The following SPAG16 variants were observed in gnomAD, a reference collection of about 807,000 sequenced individuals.
SPAG16 encodes sperm associated antigen 16, also known as sperm-associated antigen 16 protein.
SPAG16 carries 86 observed loss-of-function variants against 80.4 expected under a neutral mutation model. The observed-to-expected ratio is 1.07, with a 90% CI of 0.90 to 1.28. The LOEUF (loss-of-function observed/expected upper bound fraction) is 1.28. Among genes scored for constraint, SPAG16 ranks in the 50% most tolerant of loss-of-function variants. The pLI, the probability that SPAG16 is intolerant of heterozygous loss-of-function variation, is 0.00. For missense variants in SPAG16, 870 were observed against 765.3 expected, an observed-to-expected ratio of 1.14 and a Z score of -1.61; for synonymous variants, 294 against 265.9, an observed-to-expected ratio of 1.11 and a Z score of -1.03.
chr2:213,902,493 G>A (rs1011220772), intron 11 of SPAG16, among the ~76,000 whole-genome samples: 6 of 152,284 alleles, frequency 3.9e-5, no homozygotes, highest in Middle Eastern at 3.4e-3. Context: ...AAAACCATCA[G>A]ATCTCATGAG....
At chr2:213,588,266 CAG>C (rs1417417356) in intron 10 of SPAG16, among the ~76,000 whole-genome samples, 5 of 152,058 alleles carry the variant, frequency 3.3e-5, no homozygotes, top group Non-Finnish European at 7.4e-5. Context: ...TCTTTTCTAA[CAG>C]AGCATTTATA....
chr2:214,233,289 T>C (rs569934066), intron 15 of SPAG16, among the ~76,000 whole-genome samples: 2 of 151,936 alleles, frequency 1.3e-5, no homozygotes, highest in East Asian at 1.9e-4. Flanking sequence ...CAATAACACA[T>C]TAATCTCTGT....
chr2:213,558,835 C>T (rs547237982), intron 10 of SPAG16, among the ~76,000 whole-genome samples: 3 of 152,006 alleles, frequency 2.0e-5, no homozygotes, highest in South Asian at 2.1e-4. Context: ...AAAAATCATT[C>T]GTTTTATATT....
chr2:214,270,167 G>A (rs1391087463), intron 15 of SPAG16, among the ~76,000 whole-genome samples: 1 of 152,086 alleles, frequency 6.6e-6, no homozygotes, highest in Non-Finnish European at 1.5e-5. Context: ...TAATTTTCCA[G>A]TGCAGTCTAC....
intron 9 of SPAG16, among the ~76,000 whole-genome samples, chr2:213,489,644 A>G (rs2074155361): frequency 6.6e-6 from 1 of 152,100 alleles, no homozygotes. Flanking sequence ...AGCTTATTTA[A>G]AAAAAGACAA....
intron 10 of SPAG16, among the ~76,000 whole-genome samples, chr2:213,686,410 C>T (rs2064675436): frequency 6.6e-6 from 1 of 152,146 alleles, no homozygotes; most frequent in Admixed American, 6.5e-5. Context: ...GCCAAAGCGC[C>T]CGGCTGTTAC....
intron 9 of SPAG16, among the ~76,000 whole-genome samples, chr2:213,462,014 A>G (rs2072397344): frequency 6.6e-6 from 1 of 152,228 alleles, no homozygotes. Context: ...TTAGATTATC[A>G]GTCATAAATG....
chr2:213,719,118 T>C (rs1283852707), intron 10 of SPAG16, among the ~76,000 whole-genome samples: 1 of 151,162 alleles, frequency 6.6e-6, no homozygotes, highest in Non-Finnish European at 1.5e-5. Context: ...GCTCAGGGAT[T>C]GTAAATACAC....
rs185534862 is a variant in SPAG16, at chr2:214,154,916, C to T, written c.1720+5650C>T. ...CATATATGAAACAAGGGCTTTCAGA[C>T]ATGTAATATTTGGCAATAAAAAACT... On this transcript the variant is annotated intron_variant, in intron 15 of 15. Transcript: ENST00000331683. Among the ~76,000 whole-genome samples, 873 of 152,198 alleles carry T rather than the reference C, an allele frequency of 5.7e-3. 5 individuals carry two copies. Among genetic ancestry groups the T allele is most frequent in the Admixed American group, 7.8e-3 (119 of 15,280 alleles).
chr2:214,332,499 C>T (rs1416445970), intron 15 of SPAG16, among the ~76,000 whole-genome samples: 2 of 152,132 alleles, frequency 1.3e-5, no homozygotes. Context: ...TAGATGCTCT[C>T]TTGAAGACAT....
At chr2:214,380,266 A>G (rs913500768) in intron 15 of SPAG16, among the ~76,000 whole-genome samples, 4 of 152,242 alleles carry the variant, frequency 2.6e-5, no homozygotes, top group South Asian at 2.1e-4. Flanking sequence ...CTTTTTACCC[A>G]ATAAGATCAT....
chr2:214,260,860 A>G (rs1031378759), intron 15 of SPAG16, among the ~76,000 whole-genome samples: 1 of 151,908 alleles, frequency 6.6e-6, no homozygotes, highest in Non-Finnish European at 1.5e-5. Flanking sequence ...TAATCCCAGC[A>G]CTTTGGGAGG....
chr2:213,364,073 T>G lies in SPAG16; in HGVS notation c.763-3T>G, dbSNP rs1357038135. ...TTTCATTTCTTTGAATTTTACTTTT[T>G]AGATTTCTGGACTTCAAGAAACATT... is the stretch of plus-strand genomic sequence containing the variant. On this transcript the variant is annotated splice_region_variant and splice_polypyrimidine_tract_variant and intron_variant, in intron 7 of 15. Coordinates refer to ENST00000331683, the MANE Select transcript of SPAG16 (RefSeq NM_024532.5). 1.4e-6 allele frequency: 2 copies of G among 1,465,686 alleles called. No homozygotes were observed. The highest frequency in any genetic ancestry group is 2.9e-5 in the South Asian group (2 of 68,972). 90.8% of individuals were successfully genotyped at this position (1,465,686 alleles called of 1,614,324 possible).
chr2:213,423,349 T>C (rs562835481), intron 9 of SPAG16, among the ~76,000 whole-genome samples: 17 of 152,160 alleles, frequency 1.1e-4, no homozygotes, highest in Non-Finnish European at 2.5e-4. Context: ...TAAACAAATA[T>C]GTAATTAAGA....
chr2:213,407,582 G>A (rs1477377271), intron 9 of SPAG16, among the ~76,000 whole-genome samples: 1 of 146,040 alleles, frequency 6.8e-6, no homozygotes, highest in Non-Finnish European at 1.5e-5. Context: ...CCTACCCTAG[G>A]AGAGAGAGAG....
intron 13 of SPAG16, among the ~76,000 whole-genome samples, chr2:214,016,008 G>C (rs1157028581): frequency 1.3e-5 from 2 of 152,052 alleles, no homozygotes; most frequent in African/African-American, 4.8e-5. Context: ...AGATTATGTG[G>C]GGAGGAGGAG....
chr2:214,350,185 G>T (rs1175547211), intron 15 of SPAG16, among the ~76,000 whole-genome samples: 1 of 152,090 alleles, frequency 6.6e-6, no homozygotes, highest in African/African-American at 2.4e-5. Flanking sequence ...TGGTTTTACT[G>T]GTTTCTTACC....
intron 13 of SPAG16, among the ~76,000 whole-genome samples, chr2:214,100,760 T>C (rs1265346425): frequency 2.6e-5 from 4 of 152,186 alleles, no homozygotes; most frequent in Admixed American, 2.6e-4. Flanking sequence ...ATGGTGTATA[T>C]GTAGCACTTT....
rs144618774 is a variant in SPAG16 at position 214,064,225 on chromosome 2, G to A, written c.1528-43971G>A. Among the ~76,000 whole-genome samples the A allele has an allele frequency of 2.2e-3, 339 of 152,116 alleles. 1 individual carries two copies. Among genetic ancestry groups the A allele is most frequent in the African/African-American group, 7.5e-3 (313 of 41,518 alleles). Reference sequence around the variant, plus strand: ...ATATCTAGTTGCTATAATTAATTGCGTCTGTCTAGAGAGTAGAAATCTGTG... The same window carrying A: ...ATATCTAGTTGCTATAATTAATTGCATCTGTCTAGAGAGTAGAAATCTGTG... On this transcript the variant is annotated intron_variant, in intron 13 of 15. Transcript: ENST00000331683.
Sources: allele counts gnomAD v4.1 joint callset (sites outside exome capture counted in the v4.1 genomes callset), GRCh38; gene constraint gnomAD v4.1.1; transcripts MANE v1.5; gene names NCBI Gene and HGNC (gene_info 2026-07-23, HGNC 2026-07-21).